The following CADPS2 variants were observed in gnomAD, a reference collection of about 807,000 sequenced individuals.
The protein encoded by CADPS2 is calcium dependent secretion activator 2.
In CADPS2, 93 loss-of-function variants were observed where a neutral mutation model predicts 172.5. The observed-to-expected ratio is 0.54, with a 90% CI of 0.46 to 0.64. CADPS2 has a LOEUF of 0.64. CADPS2 is among the 30% of genes least tolerant of loss of function. CADPS2 has a pLI of 0.00. For missense variants in CADPS2, 1,420 were observed against 1,565.9 expected (o/e 0.91, Z 1.57); for synonymous variants, 546 against 555.2 (o/e 0.98, Z 0.23).
At chr7:122,467,885 C>G (rs1416190490) in intron 14 of CADPS2, among the ~76,000 whole-genome samples, 1 of 152,148 alleles carries the variant, frequency 6.6e-6, no homozygotes, top group Non-Finnish European at 1.5e-5. Context: ...TTGTGTTATT[C>G]AGAGATGTGT....
At chr7:122,542,696 T>A (rs575756278) in intron 8 of CADPS2, among the ~76,000 whole-genome samples, 2 of 152,234 alleles carry the variant, frequency 1.3e-5, no homozygotes, top group East Asian at 3.9e-4. Context: ...TCAGGTTCAA[T>A]CCTCATTCAC....
At chr7:122,558,085 A>T (rs2065256814) in intron 7 of CADPS2, among the ~76,000 whole-genome samples, 1 of 152,222 alleles carries the variant, frequency 6.6e-6, no homozygotes, top group Non-Finnish European at 1.5e-5. Flanking sequence ...ACCTGATATT[A>T]TTTTGAATTA....
rs1427094738 is a variant in CADPS2 at position 122,451,452 on chromosome 7, G to A, written c.2210C>T (p.Ser737Leu). 3 of 1,582,844 alleles carry A rather than the reference G, an allele frequency of 1.9e-6. No individual in the cohort carries two copies. The highest frequency in any genetic ancestry group is 2.6e-6 in the Non-Finnish European group (3 of 1,163,786). The stretch of plus-strand genomic sequence containing the variant: ...CTCAAATCTTTCTTTTTCTTCCACT[G>A]AAACAGTCCCAATTCCATCAGGCCT... ...GNRPDGIGTV[S>L]VEEKERFEEI... The change falls in exon 15 of 30, where the codon TCA becomes TTA. Residue 737 changes from serine to leucine, a missense_variant. Physicochemically the swap from Ser to Leu is moderately radical, Grantham distance 145 (BLOSUM62 -2). Transcript: ENST00000449022.
intron 1 of CADPS2, among the ~76,000 whole-genome samples, chr7:122,822,591 G>A (rs1803667308): frequency 6.8e-6 from 1 of 146,038 alleles, no homozygotes; most frequent in Non-Finnish European, 1.5e-5. Context: ...CGCATCCCCT[G>A]TGACTTGCAC....
At chr7:122,835,867 C>G (rs1300424682) in intron 1 of CADPS2, among the ~76,000 whole-genome samples, 2 of 152,140 alleles carry the variant, frequency 1.3e-5, no homozygotes, top group Admixed American at 6.5e-5. Context: ...AGGATATTAT[C>G]CGGGAGAACT....
chr7:122,432,643 T>TAAAA (rs57311950), intron 17 of CADPS2, among the ~76,000 whole-genome samples: 7,161 of 108,348 alleles, frequency 0.066, 222 homozygotes, highest in African/African-American at 0.091. Flanking sequence ...TCTGTTAAAA[T>TAAAA]AAAAAAAAAA....
At chr7:122,819,449 G>C (rs183494381) in intron 1 of CADPS2, among the ~76,000 whole-genome samples, 2 of 152,040 alleles carry the variant, frequency 1.3e-5, no homozygotes, top group East Asian at 3.9e-4. Context: ...GCCAAGCTTC[G>C]GGTAACTCTC....
chr7:122,369,710 AG>A (rs1207600841), intron 25 of CADPS2: 1 of 152,238 alleles, frequency 6.6e-6, no homozygotes, highest in Non-Finnish European at 1.5e-5. Context: ...TTTCTCTTCC[AG>A]GACAGCCTGC....
At chr7:122,861,224 T>G (rs954177119) in intron 1 of CADPS2, among the ~76,000 whole-genome samples, 8 of 152,172 alleles carry the variant, frequency 5.3e-5, no homozygotes, top group Admixed American at 5.2e-4. Flanking sequence ...CCACCAGCAG[T>G]GTTTAAGAGT....
At chr7:122,764,271 C>T (rs116125947) in intron 1 of CADPS2, among the ~76,000 whole-genome samples, 1 of 152,216 alleles carries the variant, frequency 6.6e-6, no homozygotes, top group African/African-American at 2.4e-5. Flanking sequence ...AGAGCACACA[C>T]AGTAAATTTC....
Position 122,438,402 on chromosome 7 carries a change from T to G in CADPS2, c.2415A>C (p.Lys805Asn). 1 of 1,613,158 alleles carries G rather than the reference T, an allele frequency of 6.2e-7. No individual in the cohort carries two copies. Among genetic ancestry groups the G allele is most frequent in the Non-Finnish European group, 8.5e-7 (1 of 1,179,414 alleles). The change falls in exon 17 of 30, where the codon AAA becomes AAC. Residue 805 changes from lysine (K) to asparagine (N), a missense_variant. Lys to Asn is a moderately conservative substitution (Grantham distance 94, BLOSUM62 0). Transcript: ENST00000449022. Reference sequence around the variant, plus strand: ...TGATCAAGGCAGCTTTCTCGAGACATTTTCTGACCACTTTCTTCACCTCTT... The same window carrying G: ...TGATCAAGGCAGCTTTCTCGAGACAGTTTCTGACCACTTTCTTCACCTCTT... ...PAEEVKKVVR[K>N]CLEKAALINY...
At chr7:122,601,714 T>C (rs1288064763) in intron 6 of CADPS2, among the ~76,000 whole-genome samples, 6 of 152,056 alleles carry the variant, frequency 3.9e-5, no homozygotes, top group East Asian at 1.9e-4. Flanking sequence ...TAAGTTTACA[T>C]AGACGTACTC....
At chr7:122,778,938 A>T (rs1242196493) in intron 1 of CADPS2, among the ~76,000 whole-genome samples, 2 of 152,090 alleles carry the variant, frequency 1.3e-5, no homozygotes, top group Non-Finnish European at 2.9e-5. Flanking sequence ...CATGGGAGGG[A>T]CCTGGTAGGA....
chr7:122,516,735 T>C (rs2060408744), intron 8 of CADPS2, among the ~76,000 whole-genome samples: 2 of 152,140 alleles, frequency 1.3e-5, no homozygotes, highest in Admixed American at 6.6e-5. Flanking sequence ...GTCATACAAA[T>C]TCATATTATA....
chr7:122,601,674 C>T (rs375944288), intron 6 of CADPS2, among the ~76,000 whole-genome samples: 12 of 151,940 alleles, frequency 7.9e-5, no homozygotes, highest in East Asian at 3.9e-4. Context: ...ATTTGGAAGA[C>T]GTGTAAGTGC....
intron 2 of CADPS2, among the ~76,000 whole-genome samples, chr7:122,682,303 G>A (rs1157302710): frequency 1.3e-5 from 2 of 152,098 alleles, no homozygotes; most frequent in Non-Finnish European, 2.9e-5. Context: ...AATTTCTAGA[G>A]AAAAGCTTCT....
At chr7:122,799,180 T>C (rs190326051) in intron 1 of CADPS2, among the ~76,000 whole-genome samples, 58 of 152,296 alleles carry the variant, frequency 3.8e-4, no homozygotes, top group African/African-American at 1.3e-3. Context: ...ATTTGGCCAA[T>C]TGCCTTGGCA....
chr7:122,788,144 A>G (rs543853946), intron 1 of CADPS2, among the ~76,000 whole-genome samples: 1 of 152,338 alleles, frequency 6.6e-6, no homozygotes, highest in Admixed American at 6.5e-5. Context: ...TTAATAGGAA[A>G]CAATACTTTT....
chr7:122,794,598 G>C (rs1327886102), intron 1 of CADPS2, among the ~76,000 whole-genome samples: 1 of 151,964 alleles, frequency 6.6e-6, no homozygotes, highest in African/African-American at 2.4e-5. Flanking sequence ...CCTGAGCTCA[G>C]TACTGGATCA....
Sources: gnomAD v4.1 joint callset for allele counts (sites outside exome capture counted in the v4.1 genomes callset) on GRCh38, gnomAD v4.1.1 for gene constraint, MANE v1.5 for transcripts, NCBI Gene and HGNC (gene_info 2026-07-23, HGNC 2026-07-21) for gene names.